The following NCF4 variants were observed in gnomAD, a reference collection of about 807,000 sequenced individuals.
The protein encoded by NCF4 is neutrophil cytosolic factor 4.
NCF4 carries 30 observed loss-of-function variants against 41.7 expected under a neutral mutation model. That is an observed-to-expected ratio of 0.72 (90% CI 0.54 to 0.97). NCF4 has a LOEUF of 0.97. NCF4 is among the 50% of genes least tolerant of loss of function. The pLI is 0.00. For missense variants in NCF4, 432 were observed against 460.9 expected (o/e 0.94, Z 0.57); for synonymous variants, 195 against 175.8 (o/e 1.11, Z -0.87).
At position 36,865,221 on chromosome 22, in the gene NCF4, A is replaced by G; in HGVS notation, c.271+149A>G. 1 of 1,213,856 alleles carries G rather than the reference A, an allele frequency of 8.2e-7. No individual in the cohort carries two copies. The allele number at this position is 1,213,856 out of a possible 1,614,324, so 75.2% of individuals were successfully genotyped here. A position where few individuals can be genotyped will look rare whatever the true frequency, so the allele number is the denominator to read the frequency against. ...CCACTCCCGGCAGTTACAGGCTGCC[A>G]AGCCCTCCCTGCATGGCTCCCCCTG... On this transcript the variant is annotated intron_variant, in intron 3 of 9. Coordinates refer to ENST00000248899, the MANE Select transcript of NCF4 (RefSeq NM_000631.5). This position sits in a 1 kb window ranked among gnomAD's most constrained non-coding sequence, Gnocchi z 4.3.
chr22:36,870,620 G>A, intron 5 of NCF4, 78 bp downstream of exon 5: 2 of 1,550,126 alleles, frequency 1.3e-6, no homozygotes, highest in Non-Finnish European at 1.8e-6. Context: ...TTCCCTGAAA[G>A]GAGAGAAGGA....
At chr22:36,864,166 T>C in intron 2 of NCF4, 37 bp downstream of exon 2, 1 of 1,540,482 alleles carries the variant, frequency 6.5e-7, no homozygotes. Context: ...CAACAACCTC[T>C]GAACTTCCAC....
At chr22:36,875,385 G>A (rs1387843625) in intron 7 of NCF4, among the ~76,000 whole-genome samples, 1 of 152,200 alleles carries the variant, frequency 6.6e-6, no homozygotes, top group African/African-American at 2.4e-5. Context: ...TGGTTCTCAA[G>A]AAGCCTTTGT....
At position 36,861,865 on chromosome 22, in the gene NCF4, T is replaced by C. The variant is rs373208130; in HGVS notation, c.32+662T>C. On this transcript the variant is annotated intron_variant, in intron 1 of 9. Coordinates refer to ENST00000248899, the MANE Select transcript of NCF4 (RefSeq NM_000631.5). ...GGACCAAGGGCTCAATAAATGTTGCTGAATGAATGAATAAATGAATGAATG... is the reference window on the plus strand; with the variant it reads ...GGACCAAGGGCTCAATAAATGTTGCCGAATGAATGAATAAATGAATGAATG... 1.0e-3 allele frequency among the ~76,000 whole-genome samples: 152 copies of C among 152,284 alleles called. 4 individuals carry two copies. In the South Asian group the frequency reaches 0.029, roughly 29 times the overall value.
intron 1 of NCF4, among the ~76,000 whole-genome samples, chr22:36,861,520 C>G (rs917006820): frequency 6.6e-6 from 1 of 152,184 alleles, no homozygotes; most frequent in Non-Finnish European, 1.5e-5. Context: ...CTTTGCTTCA[C>G]ATGGTGATCA....
intron 7 of NCF4, among the ~76,000 whole-genome samples, chr22:36,873,155 G>A (rs1400944212): frequency 6.6e-6 from 1 of 151,058 alleles, no homozygotes; most frequent in Admixed American, 6.6e-5. Flanking sequence ...GGTGAAGATA[G>A]AAATGAGAAT....
intron 9 of NCF4, among the ~76,000 whole-genome samples, chr22:36,876,308 C>G (rs193219039): frequency 1.3e-5 from 2 of 152,122 alleles, no homozygotes; most frequent in Non-Finnish European, 2.9e-5. Flanking sequence ...GTTGAGCTCA[C>G]GCAGGTTGTG....
chr22:36,867,759 A>C (rs1478496519), intron 4 of NCF4, among the ~76,000 whole-genome samples: 1 of 152,198 alleles, frequency 6.6e-6, no homozygotes, highest in African/African-American at 2.4e-5. Context: ...TTAAAATACA[A>C]AGGTGAATTC....
Position 36,871,661 on chromosome 22 carries a change from G to T in NCF4, c.480G>T (p.Val160=). ...TCTTCTCTCTCCACAGCAAGAGCGT[G>T]TCCCCACAGGGCAACAGCGTTGACC... The part of the protein sequence containing the change: ...LRPRTRKVKS[V]SPQGNSVDRM... Residue 160 remains valine (V), a synonymous_variant, in exon 6 of 10, where the codon GTG becomes GTT. Transcript: ENST00000248899. 6.4e-7 allele frequency: 1 copy of T among 1,570,458 alleles called. No homozygotes were observed. Among genetic ancestry groups the T allele is most frequent in the Non-Finnish European group, 8.6e-7 (1 of 1,156,750 alleles).
intron 5 of NCF4, 60 bp from the exon 6 acceptor site, chr22:36,871,592 G>A: frequency 6.5e-7 from 1 of 1,530,644 alleles, no homozygotes; most frequent in East Asian, 2.4e-5. Context: ...GGACACAGGA[G>A]CAGGAAGCTG....
At position 36,877,848 on chromosome 22, in the gene NCF4, AG is replaced by A; in HGVS notation, c.*29del. On this transcript the variant is annotated 3_prime_UTR_variant, in exon 10 of 10. Coordinates refer to ENST00000248899, the MANE Select transcript of NCF4 (RefSeq NM_000631.5). Reference sequence around the variant, plus strand: ...AGCTGACGGTGTCCCTGGAGCAGTGAGGGGACACCAGCAAAAACCTTCAGCT... The same window carrying A: ...AGCTGACGGTGTCCCTGGAGCAGTGAGGGACACCAGCAAAAACCTTCAGCT... The A allele has an allele frequency of 6.3e-7, 1 of 1,596,638 alleles. No individual in the cohort carries two copies. The highest frequency in any genetic ancestry group is 8.5e-7 in the Non-Finnish European group (1 of 1,169,756).
Position 36,865,514 on chromosome 22 carries a change from T to A in NCF4, c.271+442T>A, listed in dbSNP as rs1452302246. Among the ~76,000 whole-genome samples, 1 of 152,144 alleles carries A rather than the reference T, an allele frequency of 6.6e-6. No individual in the cohort carries two copies. The highest frequency in any genetic ancestry group is 1.5e-5 in the Non-Finnish European group (1 of 68,024). Reference sequence around the variant, plus strand: ...GCTTCCAGCGTCCCTGTGGCTCTCCTTCTTCTCCTGTCCCGCCAGGAAGCT... The same window carrying A: ...GCTTCCAGCGTCCCTGTGGCTCTCCATCTTCTCCTGTCCCGCCAGGAAGCT... On this transcript the variant is annotated intron_variant, in intron 3 of 9. Transcript: ENST00000248899. This position sits in a 1 kb window ranked among gnomAD's most constrained non-coding sequence, Gnocchi z 4.3.
At chr22:36,874,460 A>AGTTTCCATTTTACCCTAATCATAGATCG (rs1940148581) in intron 7 of NCF4, among the ~76,000 whole-genome samples, 1 of 151,990 alleles carries the variant, frequency 6.6e-6, no homozygotes, top group South Asian at 2.1e-4. Context: ...TAGCCAGTTT[A>AGTTTCCATTTTACCCTAATCATAGATCG]GCAGTTTCCA....
chr22:36,875,791 G>A lies in NCF4; in HGVS notation c.758+8G>A. The A allele has an allele frequency of 6.2e-7, 1 of 1,614,120 alleles. No homozygotes were observed. The highest frequency in any genetic ancestry group is 8.5e-7 in the Non-Finnish European group (1 of 1,180,026). On this transcript the variant is annotated splice_region_variant and intron_variant, in intron 8 of 9. Transcript: ENST00000248899. ...CACCATCAGCACCATCAAGTCTGTG[G>A]CCTGGGAGGGAGGGGCCTGTCCAGC... is the stretch of plus-strand genomic sequence containing the variant.
At chr22:36,877,058 C>T (rs960096831) in intron 9 of NCF4, among the ~76,000 whole-genome samples, 1 of 152,192 alleles carries the variant, frequency 6.6e-6, no homozygotes, top group African/African-American at 2.4e-5. Context: ...CACTCTTCTT[C>T]ACAACTCTTA....
chr22:36,862,060 G>A (rs977003402), intron 1 of NCF4, among the ~76,000 whole-genome samples: 2 of 152,168 alleles, frequency 1.3e-5, no homozygotes, highest in East Asian at 3.8e-4. Flanking sequence ...ATCTAGCCTC[G>A]TCGCTTGGGA....
intron 4 of NCF4, among the ~76,000 whole-genome samples, chr22:36,868,148 T>G (rs577912350): frequency 6.6e-6 from 1 of 152,226 alleles, no homozygotes; most frequent in Non-Finnish European, 1.5e-5. Context: ...GTGTTCCTCA[T>G]GAGGTGGCAG....
At chr22:36,867,272 G>A (rs1158745287) in intron 3 of NCF4, 120 bp from the exon 4 acceptor site, 19 of 1,000,126 alleles carry the variant, frequency 1.9e-5, no homozygotes, top group Non-Finnish European at 2.5e-5. Context: ...AAGATAACAG[G>A]GAAGAATGCT....
chr22:36,863,968 A>T, intron 1 of NCF4, 77 bp from the exon 2 acceptor site: 2 of 1,350,198 alleles, frequency 1.5e-6, no homozygotes, highest in Non-Finnish European at 2.1e-6. Context: ...TTTGCTTTGC[A>T]CTCTACCTCA....
Sources: allele counts gnomAD v4.1 joint callset (sites outside exome capture counted in the v4.1 genomes callset), GRCh38; gene constraint gnomAD v4.1.1; non-coding constraint Gnocchi (gnomAD v3.1); transcripts MANE v1.5; gene names NCBI Gene and HGNC (gene_info 2026-07-23, HGNC 2026-07-21).